Variants in MCM7 observed in about 807,000 individuals in gnomAD.
MCM7 encodes the protein DNA replication licensing factor MCM7.
Under a neutral mutation model 83.5 loss-of-function variants are expected in MCM7, and 95 were observed. The ratio of observed to expected loss-of-function variants is 1.14; its 90% CI spans 0.96 to 1.35. The LOEUF (loss-of-function observed/expected upper bound fraction) is 1.35. MCM7 is among the 40% of genes most tolerant of loss of function. MCM7 has a pLI of 0.00. For missense variants in MCM7, 1,087 were observed against 957.4 expected, an observed-to-expected ratio of 1.14 and a Z score of -1.79; for synonymous variants, 461 against 352.7, an observed-to-expected ratio of 1.31 and a Z score of -3.44.
chr7:100,099,418 C>CG lies in MCM7; in HGVS notation c.277-16_277-15insC. The stretch of plus-strand genomic sequence containing the variant: ...TTATTTACCACCTAAAGGAGAAGAA[C>CG]AAAAAAAAAAAAAAAAAAGAGCAAC... On this transcript the variant is annotated splice_polypyrimidine_tract_variant and intron_variant, in intron 3 of 14. Transcript: ENST00000303887. 1 of 1,302,352 alleles carries CG rather than the reference C, an allele frequency of 7.7e-7. No individual in the cohort carries two copies. The highest frequency in any genetic ancestry group is 9.9e-7 in the Non-Finnish European group (1 of 1,013,602). 80.7% of individuals were successfully genotyped at this position (1,302,352 alleles called of 1,614,324 possible). A position where few individuals can be genotyped will look rare whatever the true frequency, so the allele number is the denominator to read the frequency against.
rs928640083 is a variant in MCM7, at chr7:100,099,005, T to C, written c.582+18A>G. The C allele has an allele frequency of 1.9e-6, 3 of 1,613,362 alleles. No homozygotes were observed. The African/African-American group carries it at 4.0e-5, about 22-fold the overall frequency. On this transcript the variant is annotated intron_variant, in intron 5 of 14. Coordinates refer to ENST00000303887, the MANE Select transcript of MCM7 (RefSeq NM_005916.5). ...AACTAATGGGTAAGTGCTTTCCTGC[T>C]TCTTGCTCCACACGTACCGGCTGGT...
At chr7:100,093,172 A>G in intron 14 of MCM7, 39 bp from the exon 15 acceptor site, 1 of 1,608,008 alleles carries the variant, frequency 6.2e-7, no homozygotes, top group Non-Finnish European at 8.5e-7. Context: ...CAGGATACAA[A>G]CAGGAATGCT....
Position 100,093,275 on chromosome 7 carries a change from TTC to T in MCM7, c.1958+15_1958+16del, listed in dbSNP as rs1354403334. On this transcript the variant is annotated intron_variant, in intron 14 of 14. Transcript: ENST00000303887. ...AAGACAAAGTGACACAGCTTTGTCCTTCACTAAACCACTCACCTAGCTGTCTG... is the reference window on the plus strand; with the variant it reads ...AAGACAAAGTGACACAGCTTTGTCCTACTAAACCACTCACCTAGCTGTCTG... 1 of 1,610,254 alleles carries T rather than the reference TTC, an allele frequency of 6.2e-7. No individual in the cohort carries two copies. Among genetic ancestry groups the T allele is most frequent in the Non-Finnish European group, 8.5e-7 (1 of 1,177,736 alleles).
intron 5 of MCM7, 61 bp downstream of exon 5, chr7:100,098,962 A>C: frequency 6.2e-7 from 1 of 1,600,750 alleles, no homozygotes; most frequent in South Asian, 1.1e-5. Context: ...CACAGGATCA[A>C]ATTAATCTCT....
At position 100,098,297 on chromosome 7, in the gene MCM7, G is replaced by C; in HGVS notation, c.721-7C>G. 1 of 1,613,872 alleles carries C rather than the reference G, an allele frequency of 6.2e-7. No individual in the cohort carries two copies. Among genetic ancestry groups the C allele is most frequent in the South Asian group, 1.1e-5 (1 of 91,064 alleles). On this transcript the variant is annotated splice_region_variant and splice_polypyrimidine_tract_variant and intron_variant, in intron 6 of 14. Coordinates refer to ENST00000303887, the MANE Select transcript of MCM7 (RefSeq NM_005916.5). ...CCACAGGCACCTGATCACTCTAGGG[G>C]AGGGAAAGGCACATAAGACTAGGAG...
chr7:100,100,730 C>A, intron 1 of MCM7: 1 of 988,558 alleles, frequency 1.0e-6, no homozygotes, highest in Non-Finnish European at 1.2e-6. Context: ...GCGGCCGCCG[C>A]GCGGAAGGAC....
At chr7:100,098,055 T>G (rs1795737369) in intron 7 of MCM7, 86 bp downstream of exon 7, 1 of 1,584,530 alleles carries the variant, frequency 6.3e-7, no homozygotes, top group Non-Finnish European at 8.6e-7. Context: ...TTGTTTGGGG[T>G]TTTGCTGCTC....
chr7:100,097,919 G>A lies in MCM7; in HGVS notation c.900C>T (p.Ala300=). ...QGLLSETYLE[A]HRIVKMNKSE... is the part of the protein sequence containing the mutation. ...TCTTGTTCATCTTCACAATCCGATG[G>A]GCTTCCAGGTAGGTTTCTGAGAGTA... Residue 300 remains alanine, a synonymous_variant, in exon 8 of 15, where the codon GCC becomes GCT. Transcript: ENST00000303887. The A allele has an allele frequency of 6.2e-7, 1 of 1,614,132 alleles. No individual in the cohort carries two copies. Among genetic ancestry groups the A allele is most frequent in the Non-Finnish European group, 8.5e-7 (1 of 1,180,036 alleles).
Position 100,097,598 on chromosome 7 carries a change from C to CCTTGTTTCTT in MCM7, c.1117+6_1117+15dup. On this transcript the variant is annotated intron_variant, in intron 9 of 14. Transcript: ENST00000303887. ...TGACTTCATCCACCCTGAGCCTCTCCCTTGTTTCTTCTTACCCCGGATTTT... is the reference window on the plus strand; with the variant it reads ...TGACTTCATCCACCCTGAGCCTCTCCCTTGTTTCTTCTTGTTTCTTCTTACCCCGGATTTT... 6.2e-7 allele frequency: 1 copy of CCTTGTTTCTT among 1,613,222 alleles called. No individual in the cohort carries two copies. The highest frequency in any genetic ancestry group is 8.5e-7 in the Non-Finnish European group (1 of 1,180,028).
intron 1 of MCM7, chr7:100,100,734 G>T: frequency 2.0e-6 from 2 of 989,056 alleles, no homozygotes; most frequent in Non-Finnish European, 2.4e-6. Flanking sequence ...CCGCCGCGCG[G>T]AAGGACACTG....
At position 100,095,700 on chromosome 7, in the gene MCM7, T is replaced by G. The variant is rs1795592527; in HGVS notation, c.1595+74A>C. The stretch of plus-strand genomic sequence containing the variant: ...GGTTTCCAGGAGCGTGGAATTTGTT[T>G]TCTGATTCACCTCTCCTCCTCCCTA... On this transcript the variant is annotated intron_variant, in intron 11 of 14. Transcript: ENST00000303887. The G allele has an allele frequency of 8.7e-6, 13 of 1,499,476 alleles. No homozygotes were observed. In the Middle Eastern group the frequency reaches 9.5e-4, roughly 110 times the overall value. The allele number at this position is 1,499,476 out of a possible 1,614,324, so 92.9% of individuals were successfully genotyped here.
chr7:100,095,607 T>C (rs1290911188), intron 11 of MCM7, 137 bp from the exon 12 acceptor site: 2 of 1,304,808 alleles, frequency 1.5e-6, no homozygotes, highest in Admixed American at 2.2e-5. Context: ...CTCATCAGCA[T>C]TTCAGCCCCA....
Position 100,098,507 on chromosome 7 carries a change from T to C in MCM7, c.720+71A>G. On this transcript the variant is annotated intron_variant, in intron 6 of 14. Coordinates refer to ENST00000303887, the MANE Select transcript of MCM7 (RefSeq NM_005916.5). ...CTTTTGTTCTTCTTTCTTCCTGCCA[T>C]TCCACAAGTGACTACAGGATTCAAG... 1.9e-6 allele frequency: 3 copies of C among 1,595,720 alleles called. No homozygotes were observed. The East Asian group carries it at 6.7e-5, about 36-fold the overall frequency.
rs191267681 is a variant in MCM7, at chr7:100,094,532, T to C, written c.1680-191A>G. Among the ~76,000 whole-genome samples the C allele has an allele frequency of 1.7e-3, 257 of 152,324 alleles. 1 individual carries two copies. Among genetic ancestry groups the C allele is most frequent in the Middle Eastern group, 6.8e-3 (2 of 294 alleles). ...TCACTGATGGATTTCACCAAACGTA[T>C]AGCCCCCACCAGTATCCTCCAAGTT... is the stretch of plus-strand genomic sequence containing the variant. On this transcript the variant is annotated intron_variant, in intron 12 of 14. Coordinates refer to ENST00000303887, the MANE Select transcript of MCM7 (RefSeq NM_005916.5).
intron 1 of MCM7, 26 bp downstream of exon 1, chr7:100,101,238 G>A: frequency 6.2e-7 from 1 of 1,612,628 alleles, no homozygotes; most frequent in Non-Finnish European, 8.5e-7. Flanking sequence ...CGCGCAGGAC[G>A]CCCTCCCGGG....
At chr7:100,098,976 AAAC>A (rs755317822) in intron 5 of MCM7, 44 bp downstream of exon 5, 4 of 1,609,660 alleles carry the variant, frequency 2.5e-6, no homozygotes, top group Admixed American at 1.7e-5. Context: ...AATCTCTACA[AAAC>A]AACTAATGGG....
chr7:100,092,805 G>T lies in MCM7; in HGVS notation c.*127C>A. On this transcript the variant is annotated 3_prime_UTR_variant, in exon 15 of 15. Coordinates refer to ENST00000303887, the MANE Select transcript of MCM7 (RefSeq NM_005916.5). The stretch of plus-strand genomic sequence containing the variant: ...TGACAATCTACAAACACTTTTATTA[G>T]CAAAAGGAGTAAGTGCAGCATGGGA... 1.1e-6 allele frequency: 1 copy of T among 950,166 alleles called. No individual in the cohort carries two copies. The highest frequency in any genetic ancestry group is 1.6e-6 in the Non-Finnish European group (1 of 624,458). 58.9% of individuals were successfully genotyped at this position (950,166 alleles called of 1,614,324 possible). A position where few individuals can be genotyped will look rare whatever the true frequency, so the allele number is the denominator to read the frequency against.
Position 100,100,014 on chromosome 7 carries a change from C to T in MCM7, c.111G>A (p.Leu37=), listed in dbSNP as rs1263034966. 6.2e-7 allele frequency: 1 copy of T among 1,613,494 alleles called. No individual in the cohort carries two copies. Among genetic ancestry groups the T allele is most frequent in the African/African-American group, 1.3e-5 (1 of 74,902 alleles). ...TCCCTTTACCCAATCTTAGACTTAC[C>T]AACTGGTTCCCATACTTGAACTGCT... ...GKKQFKYGNQ[L]VRLAHREQVA... The change falls in exon 2 of 15, where the codon TTG becomes TTA. Residue 37 remains leucine, a splice_region_variant and synonymous_variant. Transcript: ENST00000303887.
chr7:100,100,671 A>G (rs1017021568), intron 1 of MCM7: 22 of 989,734 alleles, frequency 2.2e-5, no homozygotes, highest in Non-Finnish European at 2.6e-5. Context: ...CCCGGGCCCG[A>G]GCGAAGCTCC....
Sources: allele counts gnomAD v4.1 joint callset (sites outside exome capture counted in the v4.1 genomes callset), GRCh38; gene constraint gnomAD v4.1.1; transcripts MANE v1.5; gene names NCBI Gene and HGNC (gene_info 2026-07-23, HGNC 2026-07-21).